Variants in RNF152 observed in about 807,000 individuals in gnomAD.
RNF152 encodes the protein ring finger protein 152, also known as E3 ubiquitin-protein ligase RNF152.
In RNF152, 11 loss-of-function variants were observed where a neutral mutation model predicts 12.7. The observed-to-expected ratio is 0.86, with a 90% CI of 0.54 to 1.43. RNF152 has a LOEUF of 1.43. RNF152 is among the 40% of genes most tolerant of loss of function. The pLI, the probability that RNF152 is intolerant of heterozygous loss-of-function variation, is 0.00. For missense variants in RNF152, 255 were observed against 274.8 expected (o/e 0.93, Z 0.51); for synonymous variants, 113 against 120.3 (o/e 0.94, Z 0.40).
Position 61,816,501 on chromosome 18 carries a change from G to C in RNF152, c.-38C>G. Reference sequence around the variant, plus strand: ...GCAGGAAGGGCAAGGCCAAGGTGAAGGGGAAGGAGCTGCTTCTCAGAGGCC... The same window carrying C: ...GCAGGAAGGGCAAGGCCAAGGTGAACGGGAAGGAGCTGCTTCTCAGAGGCC... On this transcript the variant is annotated 5_prime_UTR_variant, in exon 2 of 2. Coordinates refer to ENST00000312828, the MANE Select transcript of RNF152 (RefSeq NM_173557.3). 4 of 1,565,080 alleles carry C rather than the reference G, an allele frequency of 2.6e-6. No homozygotes were observed. The highest frequency in any genetic ancestry group is 4.5e-5 in the East Asian group (2 of 44,284).
At chr18:61,844,716 G>T (rs948977817) in intron 1 of RNF152, among the ~76,000 whole-genome samples, 6 of 152,180 alleles carry the variant, frequency 3.9e-5, no homozygotes, top group African/African-American at 1.4e-4. Flanking sequence ...CCATAGCACG[G>T]GTCGGTAGGT....
chr18:61,823,579 G>A (rs765031738), intron 1 of RNF152, among the ~76,000 whole-genome samples: 12 of 152,266 alleles, frequency 7.9e-5, no homozygotes, highest in African/African-American at 1.7e-4. Flanking sequence ...GATCACAGGC[G>A]TGAGCCACCA....
intron 1 of RNF152, among the ~76,000 whole-genome samples, chr18:61,872,549 C>T (rs773802366): frequency 3.3e-5 from 5 of 152,138 alleles, no homozygotes; most frequent in African/African-American, 9.7e-5. Context: ...AAATCATGCC[C>T]CTCTCCCAAC....
intron 1 of RNF152, among the ~76,000 whole-genome samples, chr18:61,882,807 G>A (rs537751571): frequency 1.9e-4 from 29 of 152,148 alleles, no homozygotes; most frequent in Non-Finnish European, 3.7e-4. Flanking sequence ...GACTCATCAC[G>A]AAAACCCTCT....
At chr18:61,847,516 C>T (rs139008921) in intron 1 of RNF152, among the ~76,000 whole-genome samples, 1 of 152,312 alleles carries the variant, frequency 6.6e-6, no homozygotes, top group African/African-American at 2.4e-5. Context: ...AAAATATAGG[C>T]ATTGCATATT....
At chr18:61,886,120 G>T (rs1214483594) in intron 1 of RNF152, among the ~76,000 whole-genome samples, 1 of 150,718 alleles carries the variant, frequency 6.6e-6, no homozygotes, top group Non-Finnish European at 1.5e-5. Context: ...CCAAACATTG[G>T]TATACGTACT....
chr18:61,816,090 C>A lies in RNF152; in HGVS notation c.374G>T (p.Ser125Ile). The change falls in exon 2 of 2, where the codon AGC (serine) becomes ATC (isoleucine). Residue 125 changes from serine (S) to isoleucine (I), a missense_variant. Transcript: ENST00000312828. Reference protein sequence around the residue: ...GDMGCRLLPGSQQKSVTVVTI... With the variant: ...GDMGCRLLPGIQQKSVTVVTI... The stretch of plus-strand genomic sequence containing the variant: ...CACCACGGTGACGGACTTCTGCTGG[C>A]TCCCGGGCAGCAGGCGGCAGCCCAT... 6.2e-7 allele frequency: 1 copy of A among 1,614,222 alleles called. No individual in the cohort carries two copies. The highest frequency in any genetic ancestry group is 2.2e-5 in the East Asian group (1 of 44,874).
chr18:61,834,679 A>G (rs952252863), intron 1 of RNF152, among the ~76,000 whole-genome samples: 3 of 151,938 alleles, frequency 2.0e-5, no homozygotes, highest in Admixed American at 2.0e-4. Flanking sequence ...AAATTAGGCC[A>G]TTTTTAAAAA....
chr18:61,819,266 C>T (rs1254977717), intron 1 of RNF152, among the ~76,000 whole-genome samples: 3 of 152,184 alleles, frequency 2.0e-5, no homozygotes, highest in Non-Finnish European at 4.4e-5. Context: ...ATAGCAGATC[C>T]CACAGGGAGG....
intron 1 of RNF152, among the ~76,000 whole-genome samples, chr18:61,862,196 T>C (rs1911519616): frequency 6.6e-6 from 1 of 152,154 alleles, no homozygotes; most frequent in South Asian, 2.1e-4. Context: ...CTGACCCCCC[T>C]ATCTCCTCTC....
intron 1 of RNF152, chr18:61,888,108 A>G (rs985920736): frequency 6.6e-6 from 1 of 152,220 alleles, no homozygotes; most frequent in Admixed American, 6.5e-5. Flanking sequence ...TTAGTATATC[A>G]AGGGGTAAAT....
chr18:61,826,477 C>T (rs1443789643), intron 1 of RNF152, among the ~76,000 whole-genome samples: 1 of 152,122 alleles, frequency 6.6e-6, no homozygotes, highest in African/African-American at 2.4e-5. Context: ...CCCATACAGG[C>T]CTTTCTCACC....
At chr18:61,892,034 C>A (rs1912983540) in intron 1 of RNF152, among the ~76,000 whole-genome samples, 1 of 152,172 alleles carries the variant, frequency 6.6e-6, no homozygotes, top group South Asian at 2.1e-4. Context: ...TACGTTTTTT[C>A]ATTGCACTCT....
At chr18:61,882,916 G>A (rs1213623126) in intron 1 of RNF152, among the ~76,000 whole-genome samples, 1 of 152,108 alleles carries the variant, frequency 6.6e-6, no homozygotes, top group Non-Finnish European at 1.5e-5. Context: ...ATGTTCCAGA[G>A]GCATCCTAGC....
At chr18:61,871,664 T>C (rs1912002764) in intron 1 of RNF152, among the ~76,000 whole-genome samples, 1 of 152,194 alleles carries the variant, frequency 6.6e-6, no homozygotes, top group African/African-American at 2.4e-5. Context: ...TGGTTCATGG[T>C]ATCCCGATGC....
intron 1 of RNF152, among the ~76,000 whole-genome samples, chr18:61,825,022 TA>T: frequency 6.6e-6 from 1 of 151,976 alleles, no homozygotes; most frequent in Non-Finnish European, 1.5e-5. Context: ...AGAGTTGAAA[TA>T]ACTGACAAAT....
intron 1 of RNF152, among the ~76,000 whole-genome samples, chr18:61,865,370 C>T (rs1299405135): frequency 6.6e-6 from 1 of 152,172 alleles, no homozygotes; most frequent in African/African-American, 2.4e-5. Flanking sequence ...CTCTGGGTTT[C>T]ATAATGTTTA....
chr18:61,815,801 C>A lies in RNF152; in HGVS notation c.*51G>T. 6.3e-7 allele frequency: 1 copy of A among 1,581,770 alleles called. No homozygotes were observed. The highest frequency in any genetic ancestry group is 1.2e-5 in the South Asian group (1 of 85,194). On this transcript the variant is annotated 3_prime_UTR_variant, in exon 2 of 2. Transcript: ENST00000312828. ...CTTCTCACTGGGATCTCATCATCAA[C>A]CTGCTCAACCCCTAAGTTGGCACCC... is the stretch of plus-strand genomic sequence containing the variant.
chr18:61,839,691 C>T (rs559532184), intron 1 of RNF152, among the ~76,000 whole-genome samples: 19 of 152,034 alleles, frequency 1.2e-4, no homozygotes, highest in African/African-American at 2.2e-4. Context: ...GTCGGGAGAT[C>T]GAGATCATCC....
Sources: allele counts gnomAD v4.1 joint callset (sites outside exome capture counted in the v4.1 genomes callset), GRCh38; gene constraint gnomAD v4.1.1; transcripts MANE v1.5; gene names NCBI Gene and HGNC (gene_info 2026-07-23, HGNC 2026-07-21).